LRRTM4: variants seen among roughly 807,000 people sequenced by gnomAD.
LRRTM4 encodes the protein leucine-rich repeat transmembrane neuronal protein 4.
In LRRTM4, 25 loss-of-function variants were observed where a neutral mutation model predicts 47.6. That is an observed-to-expected ratio of 0.53 (90% confidence interval 0.38 to 0.73). LRRTM4 has a LOEUF of 0.73. Among genes scored for constraint, LRRTM4 ranks in the 30% least tolerant of loss-of-function variants. LRRTM4 has a pLI of 0.00. For missense variants in LRRTM4, 638 were observed against 713.4 expected, an observed-to-expected ratio of 0.89 and a Z score of 1.20; for synonymous variants, 311 against 269.5, an observed-to-expected ratio of 1.15 and a Z score of -1.51.
chr2:77,073,102 C>T (rs1182482848), intron 3 of LRRTM4, among the ~76,000 whole-genome samples: 2 of 151,912 alleles, frequency 1.3e-5, no homozygotes, highest in Non-Finnish European at 2.9e-5. Flanking sequence ...TGAACAAGAT[C>T]TCCAGGTGAT....
intron 3 of LRRTM4, among the ~76,000 whole-genome samples, chr2:76,908,876 C>T (rs1419836669): frequency 6.6e-6 from 1 of 152,162 alleles, no homozygotes; most frequent in Non-Finnish European, 1.5e-5. Flanking sequence ...ATTCCATGCT[C>T]ATGGGTAGGA....
At chr2:77,328,014 T>C (rs554167932) in intron 3 of LRRTM4, among the ~76,000 whole-genome samples, 2 of 152,268 alleles carry the variant, frequency 1.3e-5, no homozygotes, top group South Asian at 4.1e-4. Flanking sequence ...GGATTTGTCA[T>C]TTCACAGATT....
Position 77,082,356 on chromosome 2 carries a change from A to T in LRRTM4, c.1552-333440T>A, listed in dbSNP as rs115459610. Reference sequence around the variant, plus strand: ...TCATATTGAACTCTATGCGAGAGGGACCCAAAATTCAAATACCTTACTATT... The same window carrying T: ...TCATATTGAACTCTATGCGAGAGGGTCCCAAAATTCAAATACCTTACTATT... On this transcript the variant is annotated intron_variant, in intron 3 of 3. Transcript: ENST00000409884. 1.9e-3 allele frequency among the ~76,000 whole-genome samples: 295 copies of T among 152,174 alleles called. 3 individuals are homozygous for T. Among genetic ancestry groups the T allele is most frequent in the African/African-American group, 6.9e-3 (285 of 41,550 alleles).
chr2:76,833,202 C>G (rs1671404013), intron 3 of LRRTM4, among the ~76,000 whole-genome samples: 1 of 152,126 alleles, frequency 6.6e-6, no homozygotes, highest in South Asian at 2.1e-4. Flanking sequence ...ATGACCTCTG[C>G]AAGGGAGTGA....
rs181185689 is a variant in LRRTM4 at position 77,131,899 on chromosome 2, T to G, written c.1552-382983A>C. Among the ~76,000 whole-genome samples, 39 of 152,334 alleles carry G rather than the reference T, an allele frequency of 2.6e-4. No homozygotes were observed. The East Asian group carries it at 3.9e-3, about 15-fold the overall frequency. ...AATGACACATAATACTTGTACATATTTATGGGGTACATGTGATATTTTGTT... is the reference window on the plus strand; with the variant it reads ...AATGACACATAATACTTGTACATATGTATGGGGTACATGTGATATTTTGTT... On this transcript the variant is annotated intron_variant, in intron 3 of 3. Coordinates refer to ENST00000409884, the MANE Select transcript of LRRTM4 (RefSeq NM_001134745.3).
chr2:77,279,732 T>C (rs1676458190), intron 3 of LRRTM4, among the ~76,000 whole-genome samples: 1 of 151,964 alleles, frequency 6.6e-6, no homozygotes, highest in Non-Finnish European at 1.5e-5. Flanking sequence ...TGTCTGTCAC[T>C]CAACTTCAAC....
chr2:77,211,366 G>A (rs1057038902), intron 3 of LRRTM4, among the ~76,000 whole-genome samples: 1 of 152,154 alleles, frequency 6.6e-6, no homozygotes, highest in Non-Finnish European at 1.5e-5. Flanking sequence ...GCTTCTCCTA[G>A]CCTCCTAATC....
intron 3 of LRRTM4, among the ~76,000 whole-genome samples, chr2:76,790,782 TTG>T: frequency 1.3e-5 from 2 of 152,054 alleles, no homozygotes; most frequent in Non-Finnish European, 2.9e-5. Flanking sequence ...TTGATCAAAT[TTG>T]ATATAATTTC....
intron 3 of LRRTM4, among the ~76,000 whole-genome samples, chr2:77,003,700 A>G (rs1335528433): frequency 6.6e-6 from 1 of 152,176 alleles, no homozygotes; most frequent in African/African-American, 2.4e-5. Context: ...AGACTACTAC[A>G]GTAAATTGGT....
intron 3 of LRRTM4, among the ~76,000 whole-genome samples, chr2:76,894,996 A>T (rs1156510420): frequency 6.6e-6 from 1 of 151,766 alleles, no homozygotes; most frequent in Admixed American, 6.6e-5. Flanking sequence ...TAGAAAATTT[A>T]TTTACTAAAT....
intron 3 of LRRTM4, among the ~76,000 whole-genome samples, chr2:77,260,405 G>GTT (rs1558658066): frequency 6.6e-6 from 1 of 150,440 alleles, no homozygotes; most frequent in Non-Finnish European, 1.5e-5. Flanking sequence ...GTGTGTGTGT[G>GTT]TGTGTGTGTA....
intron 3 of LRRTM4, among the ~76,000 whole-genome samples, chr2:77,466,725 C>T (rs112668507): frequency 0.015 from 1,942 of 126,520 alleles, 59 homozygotes; most frequent in African/African-American, 0.053. Flanking sequence ...TTTTTTTTGA[C>T]ACAGAGACTG....
intron 3 of LRRTM4, among the ~76,000 whole-genome samples, chr2:77,478,790 A>G (rs1008310361): frequency 1.3e-5 from 2 of 152,200 alleles, no homozygotes; most frequent in Non-Finnish European, 2.9e-5. Context: ...ATTGCCACAG[A>G]TGTATTCAGA....
intron 3 of LRRTM4, among the ~76,000 whole-genome samples, chr2:76,903,433 G>C (rs1573287207): frequency 6.6e-6 from 1 of 152,082 alleles, no homozygotes; most frequent in Admixed American, 6.5e-5. Context: ...CTACTCGGGA[G>C]GCTGAGGCAG....
At chr2:77,176,607 A>G (rs1165913807) in intron 3 of LRRTM4, among the ~76,000 whole-genome samples, 1 of 152,224 alleles carries the variant, frequency 6.6e-6, no homozygotes, top group Non-Finnish European at 1.5e-5. Flanking sequence ...TGGCGTGAGG[A>G]ACAAACAATT....
chr2:76,833,364 G>A (rs1255869715), intron 3 of LRRTM4, among the ~76,000 whole-genome samples: 1 of 151,874 alleles, frequency 6.6e-6, no homozygotes, highest in Non-Finnish European at 1.5e-5. Flanking sequence ...AGAGGTCAGG[G>A]TAGCTGAATC....
At chr2:76,838,824 C>G (rs942209230) in intron 3 of LRRTM4, among the ~76,000 whole-genome samples, 4 of 152,044 alleles carry the variant, frequency 2.6e-5, no homozygotes, top group African/African-American at 9.7e-5. Flanking sequence ...AGATAAAATC[C>G]TGAATTTCAT....
chr2:76,812,695 C>CTTTCTTTCTTTCTTTCTTTCT (rs1553413499), intron 3 of LRRTM4, among the ~76,000 whole-genome samples: 4 of 97,218 alleles, frequency 4.1e-5, no homozygotes, highest in Admixed American at 3.5e-4. Context: ...TTCTTTCTTT[C>CTTTCTTTCTTTCTTTCTTTCT]TTTTCTTTCT....
chr2:77,291,649 T>A (rs1157216600), intron 3 of LRRTM4, among the ~76,000 whole-genome samples: 1 of 152,080 alleles, frequency 6.6e-6, no homozygotes, highest in Non-Finnish European at 1.5e-5. Flanking sequence ...AAAAATTTTT[T>A]AAAAGCATTG....
Sources: gnomAD v4.1 joint callset for allele counts (sites outside exome capture counted in the v4.1 genomes callset) on GRCh38, gnomAD v4.1.1 for gene constraint, MANE v1.5 for transcripts, NCBI Gene and HGNC (gene_info 2026-07-23, HGNC 2026-07-21) for gene names.